NRK: variants seen among roughly 807,000 people sequenced by gnomAD.
The protein encoded by NRK is nik-related protein kinase.
In NRK, 67 loss-of-function variants were observed where a neutral mutation model predicts 125.2. That is an observed-to-expected ratio of 0.54 (90% CI 0.44 to 0.66). The LOEUF (loss-of-function observed/expected upper bound fraction) is 0.66. Ranked by LOEUF, NRK falls within the 30% of genes least tolerant of loss-of-function variation. The probability of loss-of-function intolerance (pLI) is 0.00; values close to 1 mark genes in which losing one functional copy is unlikely to be tolerated. For synonymous variants in NRK, 458 were observed against 429.0 expected (o/e 1.07, Z -0.84); for missense variants, 1,224 against 1,192.9 (o/e 1.03, Z -0.38).
intron 13 of NRK, among the ~76,000 whole-genome samples, chrX:105,912,136 G>C (rs1015713180): frequency 9.0e-6 from 1 of 111,413 alleles, no homozygotes; most frequent in Non-Finnish European, 1.9e-5. Context: ...CAGTTGAAGA[G>C]ATAATATTGA....
At chrX:105,876,817 A>G (rs925901365) in intron 2 of NRK, among the ~76,000 whole-genome samples, 6 of 111,632 alleles carry the variant, frequency 5.4e-5, no homozygotes, top group Non-Finnish European at 1.9e-5. Flanking sequence ...CAAGTCCTTC[A>G]GCTAAGATCG....
At chrX:105,823,674 C>T (rs2039054922) in intron 1 of NRK, among the ~76,000 whole-genome samples, 1 of 111,299 alleles carries the variant, frequency 9.0e-6, no homozygotes, top group Non-Finnish European at 1.9e-5. Flanking sequence ...CTATTATCGC[C>T]GTCGTAATTA....
intron 2 of NRK, among the ~76,000 whole-genome samples, chrX:105,860,392 T>C (rs1439959989): frequency 9.0e-6 from 1 of 111,470 alleles, no homozygotes; most frequent in Non-Finnish European, 1.9e-5. Flanking sequence ...CTTATTTTCA[T>C]TTAAAAATAA....
chrX:105,929,561 T>C (rs1049275395), intron 19 of NRK, among the ~76,000 whole-genome samples: 8 of 111,735 alleles, frequency 7.2e-5, no homozygotes, highest in Non-Finnish European at 1.5e-4. Flanking sequence ...CGTTAATTGT[T>C]TCTGGTTTTG....
At chrX:105,878,593 T>C (rs985755536) in intron 2 of NRK, among the ~76,000 whole-genome samples, 2 of 112,017 alleles carry the variant, frequency 1.8e-5, no homozygotes, top group Non-Finnish European at 3.8e-5. Context: ...CATGTAAATC[T>C]GATTTTGCCT....
At chrX:105,926,208 AT>A (rs760207167) in intron 19 of NRK, among the ~76,000 whole-genome samples, 9 of 111,092 alleles carry the variant, frequency 8.1e-5, no homozygotes, top group Admixed American at 7.6e-4. Context: ...TTATGTTGAA[AT>A]TTTTTTTCAT....
At chrX:105,920,706 T>C (rs2040430395) in intron 16 of NRK, among the ~76,000 whole-genome samples, 1 of 109,738 alleles carries the variant, frequency 9.1e-6, no homozygotes, top group African/African-American at 3.3e-5. Flanking sequence ...AAGACATTTA[T>C]GCAGCCAAAA....
chrX:105,927,674 T>C lies in NRK; in HGVS notation c.3312+2643T>C, dbSNP rs145062929. On this transcript the variant is annotated intron_variant, in intron 19 of 28. Coordinates refer to ENST00000243300, the MANE Select transcript of NRK (RefSeq NM_198465.4). ...ACTTCCATACCCAAACTGTGGAGAG[T>C]TTTTATCACGAGGGAATGTAGAATT... 6.4e-3 allele frequency among the ~76,000 whole-genome samples: 716 copies of C among 111,451 alleles called. 6 individuals are homozygous for C. The highest frequency in any genetic ancestry group is 0.021 in the African/African-American group (658 of 30,785).
chrX:105,940,165 G>A (rs373526267), intron 23 of NRK, 133 bp downstream of exon 23: 7 of 454,857 alleles, frequency 1.5e-5, no homozygotes, highest in Non-Finnish European at 2.2e-5. Flanking sequence ...GATCAGGGAC[G>A]TTCAGGGTGG....
At chrX:105,832,882 G>A (rs2039213046) in intron 2 of NRK, among the ~76,000 whole-genome samples, 1 of 110,135 alleles carries the variant, frequency 9.1e-6, no homozygotes, top group Non-Finnish European at 1.9e-5. Context: ...GAAAAAGTTA[G>A]CCAGGTGCAG....
At chrX:105,823,045 C>T (rs1336561706) in intron 1 of NRK, 143 bp downstream of exon 1, 1 of 579,503 alleles carries the variant, frequency 1.7e-6, no homozygotes, top group African/African-American at 2.3e-5. Flanking sequence ...TCCTGGGAGC[C>T]GGCATGCGGA....
At chrX:105,918,438 A>C (rs1466262809) in intron 16 of NRK, among the ~76,000 whole-genome samples, 1 of 111,334 alleles carries the variant, frequency 9.0e-6, no homozygotes, top group Admixed American at 9.6e-5. Context: ...AATAATAAAA[A>C]TGATACAGAT....
In NRK at chrX:105,947,400, G is replaced by C. The variant is rs1454093244; in HGVS notation, c.4353+936G>C. Among the ~76,000 whole-genome samples the C allele has an allele frequency of 1.4e-4, 6 of 44,436 alleles. 1 individual carries two copies. The African/African-American group carries it at 1.7e-3, about 12-fold the overall frequency. The allele number at this position is 44,436 out of a possible 115,157, so 38.6% of individuals were successfully genotyped here. Reference sequence around the variant, plus strand: ...GGAGCTTGCAGTGAGCCGAGATCCCGCCACTGCACTCCAGCCTGGGCGACA... The same window carrying C: ...GGAGCTTGCAGTGAGCCGAGATCCCCCCACTGCACTCCAGCCTGGGCGACA... On this transcript the variant is annotated intron_variant, in intron 26 of 28. Transcript: ENST00000243300.
intron 4 of NRK, among the ~76,000 whole-genome samples, chrX:105,887,087 G>A (rs185387126): frequency 8.9e-6 from 1 of 111,899 alleles, no homozygotes; most frequent in Non-Finnish European, 1.9e-5. Flanking sequence ...TTTATAAATT[G>A]TGCTTCATTA....
rs2040680039 is a variant in NRK at position 105,937,445 on chromosome X, A to G, written c.3662A>G (p.Asn1221Ser). Reference protein sequence around the residue: ...EICCGSLWGVNLLLGTRSNLY... With the variant: ...EICCGSLWGVSLLLGTRSNLY... ...ACTTTTTATATATGAACAGGAGTCA[A>G]TTTGCTGTTGGGAACCCGATCTAAT... The change falls in exon 22 of 29, where the codon AAT (asparagine) becomes AGT (serine). Residue 1221 changes from asparagine to serine, a missense_variant. Transcript: ENST00000243300. 9.3e-6 allele frequency: 11 copies of G among 1,180,877 alleles called. No individual in the cohort carries two copies. Among genetic ancestry groups the G allele is most frequent in the Non-Finnish European group, 1.3e-5 (11 of 875,741 alleles).
At position 105,909,660 on chromosome X, in the gene NRK, G is replaced by A; in HGVS notation, c.2019G>A (p.Arg673=). Reference sequence around the variant, plus strand: ...TGATGGAAAATCTGTCATCAAATAGGTTTTACTCACAACCAGAACAGGCAC... The same window carrying A: ...TGATGGAAAATCTGTCATCAAATAGATTTTACTCACAACCAGAACAGGCAC... The part of the protein sequence containing the change: ...QTLMENLSSN[R]FYSQPEQARE... The change falls in exon 13 of 29, where the codon AGG becomes AGA. Residue 673 remains arginine, a synonymous_variant. Transcript: ENST00000243300. 8.4e-7 allele frequency: 1 copy of A among 1,196,732 alleles called. No individual in the cohort carries two copies. The highest frequency in any genetic ancestry group is 1.7e-5 in the African/African-American group (1 of 57,317).
Position 105,822,805 on chromosome X carries a change from A to C in NRK, c.-41A>C. The C allele has an allele frequency of 8.8e-7, 1 of 1,136,343 alleles. No homozygotes were observed. The highest frequency in any genetic ancestry group is 1.8e-5 in the African/African-American group (1 of 54,816). 93.6% of individuals were successfully genotyped at this position (1,136,343 alleles called of 1,213,427 possible). A position where few individuals can be genotyped will look rare whatever the true frequency, so the allele number is the denominator to read the frequency against. On this transcript the variant is annotated 5_prime_UTR_variant, in exon 1 of 29. Transcript: ENST00000243300. The stretch of plus-strand genomic sequence containing the variant: ...CGCTTCCACCTCAGACTCTGCGCGC[A>C]CCCAATTCAGTCGCCCGCTCCCGTT...
At chrX:105,903,470 C>G (rs1212064689) in intron 9 of NRK, among the ~76,000 whole-genome samples, 1 of 111,394 alleles carries the variant, frequency 9.0e-6, no homozygotes, top group Non-Finnish European at 1.9e-5. Flanking sequence ...CATTATTTAA[C>G]CTAATTCAGA....
At chrX:105,945,811 C>A in intron 24 of NRK, 61 bp from the exon 25 acceptor site, 2 of 1,046,395 alleles carry the variant, frequency 1.9e-6, no homozygotes, top group Non-Finnish European at 2.6e-6. Flanking sequence ...CCATAGGAGC[C>A]TAGAGTACAT....
Sources: allele counts gnomAD v4.1 joint callset (sites outside exome capture counted in the v4.1 genomes callset), GRCh38; gene constraint gnomAD v4.1.1; transcripts MANE v1.5; gene names NCBI Gene and HGNC (gene_info 2026-07-23, HGNC 2026-07-21).